The following CREB5 variants were observed in gnomAD, a reference collection of about 807,000 sequenced individuals.
CREB5 encodes the protein cyclic AMP-responsive element-binding protein 5.
In CREB5, 19 loss-of-function variants were observed where a neutral mutation model predicts 57.1. The observed-to-expected ratio is 0.33, with a 90% CI of 0.23 to 0.49. The LOEUF (loss-of-function observed/expected upper bound fraction) is 0.49. CREB5 is among the 20% of genes least tolerant of loss of function. CREB5 has a pLI of 0.99. For missense variants in CREB5, 579 were observed against 671.6 expected, an observed-to-expected ratio of 0.86 and a Z score of 1.52; for synonymous variants, 238 against 238.3, an observed-to-expected ratio of 1.00 and a Z score of 0.01.
chr7:28,354,442 G>A (rs1236488439), intron 1 of CREB5, among the ~76,000 whole-genome samples: 14 of 152,072 alleles, frequency 9.2e-5, no homozygotes, highest in Admixed American at 8.5e-4. Context: ...TCAGACTCCA[G>A]GTTTTTCAGT....
At chr7:28,302,576 C>A (rs763764608) in intron 1 of CREB5, among the ~76,000 whole-genome samples, 68 of 152,156 alleles carry the variant, frequency 4.5e-4, no homozygotes, top group Non-Finnish European at 9.1e-4. Flanking sequence ...AAGCTGAAAG[C>A]CAAAAAGTTT....
rs548057516 is a variant in CREB5, at chr7:28,800,988, C to G, written c.703-3211C>G. On this transcript the variant is annotated intron_variant, in intron 7 of 10. Transcript: ENST00000357727. ...TCTCCTTTAGCCTTACACGGTTGTT[C>G]TGAGGATTAGGTAGCTTGATACTTG... Among the ~76,000 whole-genome samples the G allele has an allele frequency of 9.2e-5, 14 of 152,216 alleles. No homozygotes were observed. In the East Asian group the frequency reaches 2.1e-3, roughly 23 times the overall value.
At chr7:28,613,167 A>G (rs1305137898) in intron 5 of CREB5, among the ~76,000 whole-genome samples, 1 of 152,188 alleles carries the variant, frequency 6.6e-6, no homozygotes, top group East Asian at 1.9e-4. Flanking sequence ...GGGCCCCTCT[A>G]TTTCAACATT....
chr7:28,720,168 C>T (rs1165151147), intron 6 of CREB5, among the ~76,000 whole-genome samples: 1 of 152,204 alleles, frequency 6.6e-6, no homozygotes, highest in African/African-American at 2.4e-5. Context: ...TCCTCCCTGG[C>T]GTTGTGCTTT....
chr7:28,353,515 T>C (rs893826285), intron 1 of CREB5, among the ~76,000 whole-genome samples: 6 of 151,996 alleles, frequency 3.9e-5, no homozygotes, highest in Non-Finnish European at 5.9e-5. Flanking sequence ...ACATATAAGA[T>C]AAAGTGTTTC....
intron 5 of CREB5, among the ~76,000 whole-genome samples, chr7:28,577,565 GAGTAA>G (rs1362207853): frequency 6.6e-6 from 1 of 152,196 alleles, no homozygotes; most frequent in Non-Finnish European, 1.5e-5. Flanking sequence ...TTTTGCAGTT[GAGTAA>G]AGTAAGGTTC....
intron 5 of CREB5, among the ~76,000 whole-genome samples, chr7:28,661,902 T>A (rs1314780292): frequency 6.6e-6 from 1 of 152,224 alleles, no homozygotes; most frequent in African/African-American, 2.4e-5. Flanking sequence ...CCTGTAACAA[T>A]CTGCAAACAC....
intron 1 of CREB5, among the ~76,000 whole-genome samples, chr7:28,356,416 G>A (rs896140719): frequency 1.3e-5 from 2 of 152,170 alleles, no homozygotes; most frequent in South Asian, 2.1e-4. Context: ...TTACAACGTC[G>A]TTTTAGGCAA....
chr7:28,626,465 CAG>C (rs1797999884), intron 5 of CREB5, among the ~76,000 whole-genome samples: 1 of 152,132 alleles, frequency 6.6e-6, no homozygotes, highest in African/African-American at 2.4e-5. Flanking sequence ...ATTTTACAAA[CAG>C]AAAAACCAAG....
At chr7:28,567,472 G>T (rs865940536) in intron 4 of CREB5, among the ~76,000 whole-genome samples, 11 of 152,230 alleles carry the variant, frequency 7.2e-5, no homozygotes, top group Non-Finnish European at 1.6e-4. Flanking sequence ...GATATATCAG[G>T]CACTAAGCTA....
In CREB5 at chr7:28,629,691, C is replaced by A. The variant is rs543399280; in HGVS notation, c.464+59154C>A. On this transcript the variant is annotated intron_variant, in intron 5 of 10. Transcript: ENST00000357727. ...ATGAGTCTTGTTCTCAAAGCTCTGA[C>A]CATCCATGATTCATATGTTCCCAAT... Among the ~76,000 whole-genome samples, 11 of 152,270 alleles carry A rather than the reference C, an allele frequency of 7.2e-5. No individual in the cohort carries two copies. The East Asian group carries it at 2.1e-3, about 29-fold the overall frequency.
intron 1 of CREB5, among the ~76,000 whole-genome samples, chr7:28,361,994 A>G (rs1050737956): frequency 2.0e-5 from 3 of 152,234 alleles, no homozygotes; most frequent in African/African-American, 7.2e-5. Flanking sequence ...ATAAACATAA[A>G]TTAGCAAAGT....
At chr7:28,561,583 A>C (rs1795273131) in intron 4 of CREB5, among the ~76,000 whole-genome samples, 1 of 152,254 alleles carries the variant, frequency 6.6e-6, no homozygotes, top group Non-Finnish European at 1.5e-5. Context: ...AGAAAACTGA[A>C]GTACAGAGAA....
At chr7:28,629,790 A>G (rs1798135653) in intron 5 of CREB5, among the ~76,000 whole-genome samples, 1 of 152,246 alleles carries the variant, frequency 6.6e-6, no homozygotes, top group East Asian at 1.9e-4. Flanking sequence ...CAGAGACATC[A>G]TAAACATGTG....
intron 5 of CREB5, among the ~76,000 whole-genome samples, chr7:28,692,346 C>A (rs1219500356): frequency 6.6e-6 from 1 of 152,146 alleles, no homozygotes; most frequent in Non-Finnish European, 1.5e-5. Flanking sequence ...ACTGTAATCC[C>A]AGCATTTTGG....
At chr7:28,798,183 C>T (rs1044873795) in intron 7 of CREB5, among the ~76,000 whole-genome samples, 3 of 152,196 alleles carry the variant, frequency 2.0e-5, no homozygotes, top group South Asian at 2.1e-4. Flanking sequence ...GGAAAGAATA[C>T]TCCAACCTTC....
At position 28,803,755 on chromosome 7, in the gene CREB5, C is replaced by CA. The variant is rs562078960; in HGVS notation, c.703-421dup. ...TGAGTGACAGAGCAAGACTCCATCT[C>CA]AAAAAAAAAAAAAAAAAAAAAAATT... is the stretch of plus-strand genomic sequence containing the variant. On this transcript the variant is annotated intron_variant, in intron 7 of 10. Transcript: ENST00000357727. Among the ~76,000 whole-genome samples the CA allele has an allele frequency of 0.01, 815 of 78,802 alleles. 14 individuals carry two copies. The East Asian group carries it at 0.1, about 10-fold the overall frequency. 51.7% of individuals were successfully genotyped at this position (78,802 alleles called of 152,430 possible).
intron 1 of CREB5, among the ~76,000 whole-genome samples, chr7:28,406,313 A>G (rs185802814): frequency 1.3e-5 from 2 of 152,206 alleles, no homozygotes; most frequent in African/African-American, 4.8e-5. Flanking sequence ...TCTCCCTTCC[A>G]CTGCCCAGGA....
At chr7:28,662,190 CT>C (rs1799635727) in intron 5 of CREB5, among the ~76,000 whole-genome samples, 1 of 152,146 alleles carries the variant, frequency 6.6e-6, no homozygotes, top group Admixed American at 6.5e-5. Context: ...CTTTGATGAT[CT>C]AATGGGTTGA....
Sources: gnomAD v4.1 joint callset for allele counts (sites outside exome capture counted in the v4.1 genomes callset) on GRCh38, gnomAD v4.1.1 for gene constraint, MANE v1.5 for transcripts, NCBI Gene and HGNC (gene_info 2026-07-23, HGNC 2026-07-21) for gene names.